Variants in SARS1 observed in about 807,000 individuals in gnomAD.
The protein encoded by SARS1 is seryl-tRNA synthetase 1, also known as serine--tRNA ligase, cytoplasmic.
Under a neutral mutation model 63.7 loss-of-function variants are expected in SARS1, and 25 were observed. That is an observed-to-expected ratio of 0.39 (90% CI 0.29 to 0.55). The LOEUF (loss-of-function observed/expected upper bound fraction) is 0.55. SARS1 is among the 20% of genes least tolerant of loss of function. The pLI is 0.62. For missense variants in SARS1, 417 were observed against 649.7 expected (o/e 0.64, Z 3.89); for synonymous variants, 231 against 243.5 (o/e 0.95, Z 0.48).
rs761023502 is a variant in SARS1, at chr1:109,237,337, A to G, written c.1351A>G (p.Thr451Ala). The change falls in exon 10 of 11, where the codon ACT becomes GCT. Residue 451 changes from threonine (T) to alanine (A), a missense_variant. This residue lies in a region of SARS1 where 15 missense variants were observed against 52.0 expected (regional missense o/e 0.29). Coordinates refer to ENST00000234677, the MANE Select transcript of SARS1 (RefSeq NM_006513.4). The surrounding 1 kb of genome is among the most constrained non-coding windows in gnomAD (Gnocchi z 4.1). ...GAACTACCAGACAGAGAAGGGCATC[A>G]CTGTGCCTGAGAAATTGAAGGAGTT... ...LENYQTEKGI[T>A]VPEKLKEFMP... 2 of 1,614,222 alleles carry G rather than the reference A, an allele frequency of 1.2e-6. No homozygotes were observed. Among genetic ancestry groups the G allele is most frequent in the Non-Finnish European group, 1.7e-6 (2 of 1,180,018 alleles).
rs557032357 is a variant in SARS1 at position 109,214,505 on chromosome 1, C to T, written c.136+377C>T. 77 of 1,014,642 alleles carry T rather than the reference C, an allele frequency of 7.6e-5. No homozygotes were observed. In the East Asian group the frequency reaches 1.3e-3, roughly 17 times the overall value. 62.9% of individuals were successfully genotyped at this position (1,014,642 alleles called of 1,614,324 possible). On this transcript the variant is annotated intron_variant, in intron 1 of 10. Transcript: ENST00000234677. The surrounding 1 kb of genome is among the most constrained non-coding windows in gnomAD (Gnocchi z 4.6). ...CTTTGGTCCCCCCCAGTCTTTTTCT[C>T]ATCTTCAGCAAGGCCAGAGTGGTTT...
intron 6 of SARS1, among the ~76,000 whole-genome samples, chr1:109,232,580 C>T (rs928245679): frequency 6.6e-6 from 1 of 152,110 alleles, no homozygotes; most frequent in East Asian, 1.9e-4. Flanking sequence ...ATAATTAGAA[C>T]GATCTTTCCA....
intron 1 of SARS1, among the ~76,000 whole-genome samples, chr1:109,219,333 CACTAT>C (rs1177680030): frequency 4.1e-5 from 2 of 48,234 alleles, no homozygotes; most frequent in African/African-American, 6.4e-5. Flanking sequence ...TTTATATACA[CACTAT>C]ATATATATAT....
intron 2 of SARS1, among the ~76,000 whole-genome samples, chr1:109,226,162 T>G (rs965697489): frequency 7.5e-4 from 112 of 149,760 alleles, no homozygotes; most frequent in Non-Finnish European, 8.3e-4. Context: ...TTTTTTTTTT[T>G]TTGTTGAGAT....
chr1:109,231,922 A>G (rs1655220408), intron 6 of SARS1, 136 bp downstream of exon 6: 1 of 696,678 alleles, frequency 1.4e-6, no homozygotes, highest in Non-Finnish European at 2.1e-6. Flanking sequence ...TGAGCACTTA[A>G]AATGTGGGTG....
intron 1 of SARS1, chr1:109,216,487 T>G: frequency 1.0e-6 from 1 of 985,378 alleles, no homozygotes; most frequent in Non-Finnish European, 1.2e-6. Context: ...TTGGGCATAT[T>G]TGTCTTGGCC....
chr1:109,214,494 A>AG lies in SARS1; in HGVS notation c.136+367dup. Reference sequence around the variant, plus strand: ...CTAACACGAATCTTTGGTCCCCCCCAGTCTTTTTCTCATCTTCAGCAAGGC... The same window carrying AG: ...CTAACACGAATCTTTGGTCCCCCCCAGGTCTTTTTCTCATCTTCAGCAAGGC... On this transcript the variant is annotated intron_variant, in intron 1 of 10. Coordinates refer to ENST00000234677, the MANE Select transcript of SARS1 (RefSeq NM_006513.4). This position sits in a 1 kb window ranked among gnomAD's most constrained non-coding sequence, Gnocchi z 4.6. 1 of 1,006,158 alleles carries AG rather than the reference A, an allele frequency of 9.9e-7. No individual in the cohort carries two copies. Among genetic ancestry groups the AG allele is most frequent in the Non-Finnish European group, 1.2e-6 (1 of 833,794 alleles). 62.3% of individuals were successfully genotyped at this position (1,006,158 alleles called of 1,614,324 possible).
At chr1:109,215,680 A>G (rs1436975696) in intron 1 of SARS1, 1 of 936,450 alleles carries the variant, frequency 1.1e-6, no homozygotes, top group African/African-American at 1.8e-5. Flanking sequence ...TTAATCCTAA[A>G]TGTGAAGTCA....
chr1:109,228,741 G>T (rs1459361621), intron 3 of SARS1, among the ~76,000 whole-genome samples: 1 of 152,206 alleles, frequency 6.6e-6, no homozygotes, highest in African/African-American at 2.4e-5. Context: ...AGAAACTTCA[G>T]TTTACTGTAA....
rs1432995520 is a variant in SARS1, at chr1:109,236,511, G to A, written c.1220G>A (p.Arg407Gln). The stretch of plus-strand genomic sequence containing the variant: ...ACGGATTACCAGGCTCGCCGGCTTC[G>A]AATCCGATATGGGCAAACCAAGAAG... ...NCTDYQARRL[R>Q]IRYGQTKKMM... Residue 407 changes from arginine to glutamine, a missense_variant, in exon 9 of 11, where the codon CGA becomes CAA. Arg to Gln is a conservative substitution (Grantham distance 43, BLOSUM62 1). Transcript: ENST00000234677. 7 of 1,606,956 alleles carry A rather than the reference G, an allele frequency of 4.4e-6. No individual in the cohort carries two copies. Among genetic ancestry groups the A allele is most frequent in the South Asian group, 3.3e-5 (3 of 90,970 alleles).
rs758309063 is a variant in SARS1, at chr1:109,213,970, G to A, written c.-23G>A. ...TGCGGCGCGATCCTTGCTTCCCTGA[G>A]CGTTGGCCCGGGAGGAAAGAAGATG... On this transcript the variant is annotated 5_prime_UTR_variant, in exon 1 of 11. Transcript: ENST00000234677. 10 of 1,602,156 alleles carry A rather than the reference G, an allele frequency of 6.2e-6. No homozygotes were observed. The highest frequency in any genetic ancestry group is 1.7e-4 in the Middle Eastern group (1 of 5,986).
chr1:109,226,877 A>T (rs1655101020), intron 2 of SARS1, among the ~76,000 whole-genome samples: 1 of 150,208 alleles, frequency 6.7e-6, no homozygotes, highest in African/African-American at 2.5e-5. Context: ...AAGCCACTGT[A>T]CCTGGCTATA....
rs1655325555 is a variant in SARS1, at chr1:109,237,022, C to T, written c.1258-222C>T. 1.6e-6 allele frequency: 2 copies of T among 1,271,458 alleles called. No individual in the cohort carries two copies. The highest frequency in any genetic ancestry group is 5.9e-5 in the Admixed American group (2 of 33,762). The allele number at this position is 1,271,458 out of a possible 1,614,324, so 78.8% of individuals were successfully genotyped here. A position where few individuals can be genotyped will look rare whatever the true frequency, so the allele number is the denominator to read the frequency against. ...ACTCTCAGAATACCAGAAGCTACCA[C>T]TTGTCACTCATCGAAACATGAGGGA... On this transcript the variant is annotated intron_variant, in intron 9 of 10. Transcript: ENST00000234677. This position sits in a 1 kb window ranked among gnomAD's most constrained non-coding sequence, Gnocchi z 4.1.
rs1655197051 is a variant in SARS1 at position 109,230,953 on chromosome 1, G to C, written c.523G>C (p.Val175Leu). The C allele has an allele frequency of 6.3e-7, 1 of 1,585,552 alleles. No homozygotes were observed. The highest frequency in any genetic ancestry group is 1.4e-5 in the African/African-American group (1 of 72,892). ...GAAGTACTCTCATGTGGACCTGGTG[G>C]TGATGGTAGATGGCTTTGAAGGCGA... is the stretch of plus-strand genomic sequence containing the variant. ...RKKYSHVDLV[V>L]MVDGFEGEKG... The change falls in exon 5 of 11, where the codon GTG (valine) becomes CTG (leucine). Residue 175 changes from valine (V) to leucine (L), a missense_variant. Coordinates refer to ENST00000234677, the MANE Select transcript of SARS1 (RefSeq NM_006513.4).
intron 2 of SARS1, among the ~76,000 whole-genome samples, chr1:109,224,830 C>T (rs1655030310): frequency 6.6e-6 from 1 of 152,180 alleles, no homozygotes; most frequent in African/African-American, 2.4e-5. Context: ...GGTACAGTAG[C>T]TCACGCCTAT....
chr1:109,230,727 C>T, intron 4 of SARS1, 151 bp from the exon 5 acceptor site: 2 of 523,252 alleles, frequency 3.8e-6, no homozygotes, highest in South Asian at 3.4e-5. Context: ...ATCACTGGAG[C>T]CTGGAAGGTT....
rs201288878 is a variant in SARS1, at chr1:109,213,977, C to T, written c.-16C>T. On this transcript the variant is annotated 5_prime_UTR_variant, in exon 1 of 11. Coordinates refer to ENST00000234677, the MANE Select transcript of SARS1 (RefSeq NM_006513.4). Reference sequence around the variant, plus strand: ...CGATCCTTGCTTCCCTGAGCGTTGGCCCGGGAGGAAAGAAGATGGTGCTGG... The same window carrying T: ...CGATCCTTGCTTCCCTGAGCGTTGGTCCGGGAGGAAAGAAGATGGTGCTGG... 3.0e-4 allele frequency: 482 copies of T among 1,603,762 alleles called. No homozygotes were observed. The highest frequency in any genetic ancestry group is 3.4e-4 in the Admixed American group (20 of 58,934).
rs754718981 is a variant in SARS1, at chr1:109,236,407, T to C, written c.1116T>C (p.Ala372=). 5 of 1,594,416 alleles carry C rather than the reference T, an allele frequency of 3.1e-6. No individual in the cohort carries two copies. The highest frequency in any genetic ancestry group is 1.1e-5 in the South Asian group (1 of 90,682). Residue 372 remains alanine (A), a synonymous_variant, in exon 9 of 11, where the codon GCT becomes GCC. Coordinates refer to ENST00000234677, the MANE Select transcript of SARS1 (RefSeq NM_006513.4). ...TCCTTACAGGTTCTTTGAATCATGC[T>C]GCCAGTAAGAAGCTTGACCTGGAGG... The part of the protein sequence containing the change: ...VNIVSGSLNH[A]ASKKLDLEAW...
chr1:109,232,103 G>C (rs1157053077), intron 6 of SARS1, among the ~76,000 whole-genome samples: 3 of 152,182 alleles, frequency 2.0e-5, no homozygotes, highest in African/African-American at 7.2e-5. Flanking sequence ...TAGAAAAGAA[G>C]CCCATTCCTT....
Sources: gnomAD v4.1 joint callset for allele counts (sites outside exome capture counted in the v4.1 genomes callset) on GRCh38, gnomAD v4.1.1 for gene constraint, gnomAD v4.1.1 regional missense constraint, Gnocchi (gnomAD v3.1) non-coding constraint, MANE v1.5 for transcripts, NCBI Gene and HGNC (gene_info 2026-07-23, HGNC 2026-07-21) for gene names.